The following SDK1 variants were observed in gnomAD, a reference collection of about 807,000 sequenced individuals.
SDK1 encodes the protein protein sidekick-1.
A neutral mutation model predicts 245.5 loss-of-function variants in SDK1; 157 were observed. The observed-to-expected ratio is 0.64, with a 90% CI of 0.56 to 0.73. SDK1 has a LOEUF of 0.73. SDK1 is among the 30% of genes least tolerant of loss of function. SDK1 has a pLI of 0.00. For missense variants in SDK1, 3,583 were observed against 3,002.3 expected (o/e 1.19, Z -4.52); for synonymous variants, 1,647 against 1,278.5 (o/e 1.29, Z -6.15).
intron 1 of SDK1, among the ~76,000 whole-genome samples, chr7:3,574,123 C>G (rs551091206): frequency 7.0e-6 from 1 of 143,522 alleles, no homozygotes; most frequent in Admixed American, 6.9e-5. Flanking sequence ...TTTTTTTTTT[C>G]TTTTTTTTTT....
At chr7:3,376,143 G>C (rs1781349565) in intron 1 of SDK1, among the ~76,000 whole-genome samples, 1 of 152,152 alleles carries the variant, frequency 6.6e-6, no homozygotes, top group East Asian at 1.9e-4. Flanking sequence ...GCTGCAGTGA[G>C]CCATGATCAT....
rs114181888 is a variant in SDK1, at chr7:3,977,746, C to T, written c.1994+3201C>T. On this transcript the variant is annotated intron_variant, in intron 13 of 44. Coordinates refer to ENST00000404826, the MANE Select transcript of SDK1 (RefSeq NM_152744.4). ...GACGACCATATCTTCATGGCTCCCT[C>T]TCCTCCTGGAACAGAAGCACCTTGG... 7.1e-3 allele frequency among the ~76,000 whole-genome samples: 1,089 copies of T among 152,370 alleles called. 13 individuals are homozygous for T. The highest frequency in any genetic ancestry group is 0.025 in the African/African-American group (1,019 of 41,588).
At chr7:3,990,081 G>A (rs1031869607) in intron 14 of SDK1, among the ~76,000 whole-genome samples, 1 of 152,366 alleles carries the variant, frequency 6.6e-6, no homozygotes. Context: ...GGCCACACTT[G>A]GGCGTTGGTC....
chr7:3,615,315 G>A (rs1458597803), intron 1 of SDK1, among the ~76,000 whole-genome samples: 1 of 151,644 alleles, frequency 6.6e-6, no homozygotes, highest in Non-Finnish European at 1.5e-5. Flanking sequence ...GGTAATAAGA[G>A]GAGATGATTT....
Position 3,551,435 on chromosome 7 carries a change from G to C in SDK1, c.299-67645G>C, listed in dbSNP as rs183465901. 1.9e-3 allele frequency among the ~76,000 whole-genome samples: 286 copies of C among 152,154 alleles called. 1 individual carries two copies. Among genetic ancestry groups the C allele is most frequent in the Admixed American group, 3.7e-3 (57 of 15,266 alleles). ...CAGCAATGTTTCTCCCTCATTTCTT[G>C]GGTCAAGCAAGCCTAAAGTTGGACA... On this transcript the variant is annotated intron_variant, in intron 1 of 44. Transcript: ENST00000404826.
rs115891905 is a variant in SDK1, at chr7:4,093,351, G to A, written c.3324+13767G>A. On this transcript the variant is annotated intron_variant, in intron 22 of 44. Transcript: ENST00000404826. ...GCTGTGCTCTAATAGCCAAAATAAC[G>A]TCTAGTCTTCTCAAAAGCCTGCCCT... 8.1e-4 allele frequency among the ~76,000 whole-genome samples: 121 copies of A among 149,670 alleles called. 1 individual carries two copies. Among genetic ancestry groups the A allele is most frequent in the African/African-American group, 2.8e-3 (114 of 40,784 alleles).
At chr7:3,854,460 T>C (rs1429250785) in intron 5 of SDK1, among the ~76,000 whole-genome samples, 2 of 152,214 alleles carry the variant, frequency 1.3e-5, no homozygotes, top group African/African-American at 4.8e-5. Flanking sequence ...TTACCTGAAA[T>C]CTCAATACTA....
Position 4,245,770 on chromosome 7 carries a change from C to G in SDK1, c.6346C>G (p.Leu2116Val), listed in dbSNP as rs1786812875. Reference sequence around the variant, plus strand: ...CGCCGTGCTGACCGAGAGCGTGAGCCTCAAGGAGAAGTCGGCAGATGCATC... The same window carrying G: ...CGCCGTGCTGACCGAGAGCGTGAGCGTCAAGGAGAAGTCGGCAGATGCATC... ...NGAVLTESVS[L>V]KEKSADASES... Residue 2116 changes from leucine (L) to valine (V), a missense_variant, in exon 44 of 45, where the codon CTC becomes GTC. Physicochemically the swap from Leu to Val is conservative, Grantham distance 32. Coordinates refer to ENST00000404826, the MANE Select transcript of SDK1 (RefSeq NM_152744.4). 8.7e-6 allele frequency: 14 copies of G among 1,613,836 alleles called. No homozygotes were observed. The East Asian group carries it at 2.9e-4, about 33-fold the overall frequency.
intron 1 of SDK1, among the ~76,000 whole-genome samples, chr7:3,337,679 A>G (rs2128553176): frequency 6.6e-6 from 1 of 152,358 alleles, no homozygotes; most frequent in East Asian, 1.9e-4. Context: ...GGGGAAAACC[A>G]GTCCAAATGA....
chr7:3,649,560 G>C (rs1263912628), intron 4 of SDK1, among the ~76,000 whole-genome samples: 2 of 151,974 alleles, frequency 1.3e-5, no homozygotes, highest in African/African-American at 4.8e-5. Context: ...CATTTCTGTG[G>C]TATTCTCAAT....
At chr7:3,591,220 TG>T (rs1351455639) in intron 1 of SDK1, among the ~76,000 whole-genome samples, 2 of 152,250 alleles carry the variant, frequency 1.3e-5, no homozygotes, top group African/African-American at 4.8e-5. Flanking sequence ...ATGTGTCAGA[TG>T]GCAGTTAGTA....
intron 4 of SDK1, among the ~76,000 whole-genome samples, chr7:3,771,895 A>T (rs1283667390): frequency 6.6e-6 from 1 of 152,166 alleles, no homozygotes; most frequent in Non-Finnish European, 1.5e-5. Context: ...ATGCTAATCC[A>T]TTAAACAATA....
intron 1 of SDK1, among the ~76,000 whole-genome samples, chr7:3,450,619 G>A (rs974114692): frequency 1.3e-5 from 2 of 152,174 alleles, no homozygotes; most frequent in Non-Finnish European, 2.9e-5. Flanking sequence ...AGTGAGTTCT[G>A]TTTTAGACTT....
rs116970524 is a variant in SDK1, at chr7:4,102,176, C to T, written c.3325-8487C>T. Among the ~76,000 whole-genome samples the T allele has an allele frequency of 6.4e-3, 975 of 151,604 alleles. 18 individuals carry two copies. In the South Asian group the frequency reaches 0.088, roughly 14 times the overall value. On this transcript the variant is annotated intron_variant, in intron 22 of 44. Coordinates refer to ENST00000404826, the MANE Select transcript of SDK1 (RefSeq NM_152744.4). ...CGGCTTATGAGGTGTGCAAACTCTG[C>T]GATTTGTTTGAGGGAACTGGCCTCT...
At chr7:3,323,749 A>G (rs1779875026) in intron 1 of SDK1, among the ~76,000 whole-genome samples, 1 of 152,260 alleles carries the variant, frequency 6.6e-6, no homozygotes. Context: ...CCTTCAGGTT[A>G]AATGTGCTGT....
intron 4 of SDK1, among the ~76,000 whole-genome samples, chr7:3,745,661 C>T (rs115728020): frequency 0.012 from 1,898 of 152,128 alleles, 47 homozygotes; most frequent in African/African-American, 0.043. Flanking sequence ...CTCCCTCGAG[C>T]GACCCCTATA....
intron 1 of SDK1, among the ~76,000 whole-genome samples, chr7:3,385,797 A>G (rs1781596032): frequency 1.3e-5 from 2 of 152,182 alleles, no homozygotes; most frequent in East Asian, 3.8e-4. Context: ...AGGGATTGTA[A>G]TATCTCTCAA....
chr7:3,362,888 T>C (rs1455171704), intron 1 of SDK1, among the ~76,000 whole-genome samples: 1 of 152,230 alleles, frequency 6.6e-6, no homozygotes, highest in African/African-American at 2.4e-5. Flanking sequence ...CATTTCAGTG[T>C]AGTTCAGTCA....
intron 4 of SDK1, among the ~76,000 whole-genome samples, chr7:3,653,852 C>CACTT (rs1025250438): frequency 2.0e-4 from 30 of 152,284 alleles, no homozygotes; most frequent in African/African-American, 7.2e-4. Flanking sequence ...TGCTCTGTTG[C>CACTT]ACTTCAGCTT....
Sources: allele counts gnomAD v4.1 joint callset (sites outside exome capture counted in the v4.1 genomes callset), GRCh38; gene constraint gnomAD v4.1.1; transcripts MANE v1.5; gene names NCBI Gene and HGNC (gene_info 2026-07-23, HGNC 2026-07-21).